UBE2L6: variants seen among roughly 807,000 people sequenced by gnomAD.
UBE2L6 encodes ubiquitin/ISG15-conjugating enzyme E2 L6.
In UBE2L6, 11 loss-of-function variants were observed where a neutral mutation model predicts 13.6. The observed-to-expected ratio is 0.81, with a 90% CI of 0.51 to 1.34. UBE2L6 has a LOEUF of 1.34. Ranked by LOEUF, UBE2L6 falls within the 40% of genes most tolerant of loss-of-function variation. The probability of loss-of-function intolerance (pLI) is 0.00; values close to 1 mark genes in which losing one functional copy is unlikely to be tolerated. For missense variants in UBE2L6, 197 were observed against 199.5 expected, an observed-to-expected ratio of 0.99 and a Z score of 0.07; for synonymous variants, 74 against 83.2, an observed-to-expected ratio of 0.89 and a Z score of 0.60.
chr11:57,567,708 G>A, upstream of UBE2L6: 2 of 1,153,142 alleles, frequency 1.7e-6, no homozygotes, highest in East Asian at 5.9e-5. Flanking sequence ...CCCCACCCCC[G>A]GCAGCCCCGC....
chr11:57,566,037 A>G (rs74867762), intron 1 of UBE2L6, among the ~76,000 whole-genome samples: 1,717 of 151,750 alleles, frequency 0.011, 32 homozygotes, highest in African/African-American at 0.039. Flanking sequence ...CCCAGGGTCA[A>G]TGGCCCTTCA....
Position 57,567,584 on chromosome 11 carries a change from C to T in UBE2L6, c.27+1G>A. On this transcript the variant is annotated splice_donor_variant, in intron 1 of 3. Transcript: ENST00000287156. LOFTEE classifies it high-confidence loss of function. Reference sequence around the variant, plus strand: ...AAAGGGGTCATCCTATACGCGGTTACCTTCACCACTCGCATGCTCGCCATC... The same window carrying T: ...AAAGGGGTCATCCTATACGCGGTTATCTTCACCACTCGCATGCTCGCCATC... The T allele has an allele frequency of 6.2e-7, 1 of 1,607,894 alleles. No individual in the cohort carries two copies. The highest frequency in any genetic ancestry group is 8.5e-7 in the Non-Finnish European group (1 of 1,178,106).
chr11:57,560,392 C>T lies in UBE2L6; in HGVS notation c.68G>A (p.Arg23Gln), dbSNP rs748613257. Residue 23 changes from arginine (R) to glutamine (Q), a missense_variant, in exon 2 of 4, where the codon CGG becomes CAG. Physicochemically the swap from Arg to Gln is conservative, Grantham distance 43 (BLOSUM62 1). Transcript: ENST00000287156. ...ATTGGCATCATCGCTGGACAGGTTC[C>T]GCAGGTATGGGGGAGGCTTCTTCTG... ...DLQKKPPPYL[R>Q]NLSSDDANVL... is the part of the protein sequence containing the mutation. The T allele has an allele frequency of 1.6e-5, 26 of 1,613,646 alleles. No homozygotes were observed. The highest frequency in any genetic ancestry group is 6.7e-5 in the Admixed American group (4 of 59,986).
At chr11:57,552,837 T>C (rs116669796) in intron 3 of UBE2L6, among the ~76,000 whole-genome samples, 1,586 of 152,278 alleles carry the variant, frequency 0.01, 29 homozygotes, top group African/African-American at 0.036. Context: ...ATATTGGTAG[T>C]CCAAATAAAC....
At chr11:57,556,592 C>CAAAAAAA (rs368936864) in intron 2 of UBE2L6, among the ~76,000 whole-genome samples, 4 of 73,712 alleles carry the variant, frequency 5.4e-5, no homozygotes, top group Admixed American at 1.8e-4. Flanking sequence ...AACTCCGTCT[C>CAAAAAAA]AAAAAAAAAA....
In UBE2L6 at chr11:57,555,356, C is replaced by A. The variant is rs566024208; in HGVS notation, c.124-733G>T. On this transcript the variant is annotated intron_variant, in intron 2 of 3. Coordinates refer to ENST00000287156, the MANE Select transcript of UBE2L6 (RefSeq NM_004223.5). ...ACAACACGGATGAACCTTGAAGACA[C>A]TATGCTACAGGAAATAAGCTAGACA... 2.6e-5 allele frequency among the ~76,000 whole-genome samples: 4 copies of A among 152,262 alleles called. No individual in the cohort carries two copies. The South Asian group carries it at 8.3e-4, about 32-fold the overall frequency.
chr11:57,564,958 T>C (rs896902727), intron 1 of UBE2L6, among the ~76,000 whole-genome samples: 1 of 151,414 alleles, frequency 6.6e-6, no homozygotes, highest in Non-Finnish European at 1.5e-5. Flanking sequence ...AAGAAAGAAA[T>C]AGAAATGGCC....
chr11:57,555,543 A>G (rs1944990777), intron 2 of UBE2L6, among the ~76,000 whole-genome samples: 1 of 152,212 alleles, frequency 6.6e-6, no homozygotes, highest in South Asian at 2.1e-4. Flanking sequence ...AAAAAGTTCT[A>G]GAGATGAACG....
At position 57,554,156 on chromosome 11, in the gene UBE2L6, C is replaced by A. The variant is rs559618497; in HGVS notation, c.310+281G>T. ...TGCCCAAAGTCCACAGAGGGAACAG[C>A]GGGCTTTCTTTTCCCGAGCCCTTCC... On this transcript the variant is annotated intron_variant, in intron 3 of 3. Transcript: ENST00000287156. Among the ~76,000 whole-genome samples, 6 of 152,284 alleles carry A rather than the reference C, an allele frequency of 3.9e-5. No homozygotes were observed. The South Asian group carries it at 6.2e-4, about 16-fold the overall frequency.
chr11:57,554,472 C>T lies in UBE2L6; in HGVS notation c.275G>A (p.Ser92Asn), dbSNP rs764082660. 4 of 1,614,150 alleles carry T rather than the reference C, an allele frequency of 2.5e-6. No individual in the cohort carries two copies. Among genetic ancestry groups the T allele is most frequent in the Non-Finnish European group, 3.4e-6 (4 of 1,180,016 alleles). The change falls in exon 3 of 4, where the codon AGT (serine) becomes AAT (asparagine). Residue 92 changes from serine (S) to asparagine (N), a missense_variant. By Grantham distance (46) the Ser-to-Asn change is conservative. Coordinates refer to ENST00000287156, the MANE Select transcript of UBE2L6 (RefSeq NM_004223.5). ...CTTGGTGCAAGGCTTCCAGTTCTCA[C>T]TGCTGATGATGGGCAGGCAAATCTG... ...NGQICLPIIS[S>N]ENWKPCTKTC...
At chr11:57,552,587 ACT>A in intron 3 of UBE2L6, 78 bp from the exon 4 acceptor site, 2 of 1,542,986 alleles carry the variant, frequency 1.3e-6, no homozygotes, top group Non-Finnish European at 8.9e-7. Context: ...ATGTCCTGAC[ACT>A]CCACACTCAC....
At chr11:57,562,685 C>A (rs760210129) in intron 1 of UBE2L6, among the ~76,000 whole-genome samples, 1 of 152,204 alleles carries the variant, frequency 6.6e-6, no homozygotes, top group Non-Finnish European at 1.5e-5. Flanking sequence ...AGAGTCTCTA[C>A]CTGGTAATCC....
chr11:57,553,523 A>G (rs951613322), intron 3 of UBE2L6, among the ~76,000 whole-genome samples: 1 of 151,880 alleles, frequency 6.6e-6, no homozygotes, highest in African/African-American at 2.4e-5. Context: ...GATTAAAATT[A>G]AGTACAATTA....
Position 57,562,506 on chromosome 11 carries a change from C to A in UBE2L6, c.28-2074G>T, listed in dbSNP as rs113392408. 9.7e-3 allele frequency among the ~76,000 whole-genome samples: 1,480 copies of A among 152,334 alleles called. 26 individuals are homozygous for A. The highest frequency in any genetic ancestry group is 0.034 in the African/African-American group (1,404 of 41,588). The stretch of plus-strand genomic sequence containing the variant: ...GTAGGGCATAGCCAGGTAGTGATTA[C>A]AGCGGGCCTTGAGCAAAACCCAGTC... On this transcript the variant is annotated intron_variant, in intron 1 of 3. Coordinates refer to ENST00000287156, the MANE Select transcript of UBE2L6 (RefSeq NM_004223.5).
At chr11:57,567,474 G>A (rs544994390) in intron 1 of UBE2L6, 111 bp downstream of exon 1, 8 of 1,461,062 alleles carry the variant, frequency 5.5e-6, no homozygotes, top group Admixed American at 2.0e-5. Context: ...CAGCCCTGGT[G>A]CCCAGACAAA....
At chr11:57,554,667 C>T in intron 2 of UBE2L6, 44 bp from the exon 3 acceptor site, 1 of 1,609,138 alleles carries the variant, frequency 6.2e-7, no homozygotes, top group South Asian at 1.1e-5. Context: ...TGGTTTTCCT[C>T]CCTTCCTGCC....
At chr11:57,562,087 C>T (rs369380224) in intron 1 of UBE2L6, among the ~76,000 whole-genome samples, 7 of 152,228 alleles carry the variant, frequency 4.6e-5, no homozygotes, top group Admixed American at 2.0e-4. Context: ...GAGGGGAGAC[C>T]GCTGCCCTGC....
At chr11:57,567,224 A>G (rs1175337406) in intron 1 of UBE2L6, 29 of 456,834 alleles carry the variant, frequency 6.3e-5, no homozygotes, top group South Asian at 1.8e-4. Flanking sequence ...CACCACCAGC[A>G]GTAGCAGAAT....
In UBE2L6 at chr11:57,567,625, G is replaced by T; in HGVS notation, c.-14C>A. On this transcript the variant is annotated 5_prime_UTR_variant, in exon 1 of 4. Coordinates refer to ENST00000287156, the MANE Select transcript of UBE2L6 (RefSeq NM_004223.5). ...GCTCGCCATCATGTCGGGACCGAGT[G>T]TGTGGCACCCGTGGCCTCCAGCAGG... is the stretch of plus-strand genomic sequence containing the variant. The T allele has an allele frequency of 6.2e-7, 1 of 1,606,560 alleles. No individual in the cohort carries two copies. The highest frequency in any genetic ancestry group is 1.1e-5 in the South Asian group (1 of 89,050).
Sources: gnomAD v4.1 joint callset for allele counts (sites outside exome capture counted in the v4.1 genomes callset) on GRCh38, gnomAD v4.1.1 for gene constraint, MANE v1.5 for transcripts, NCBI Gene and HGNC (gene_info 2026-07-23, HGNC 2026-07-21) for gene names.